The following PARVA variants were observed in gnomAD, a reference collection of about 807,000 sequenced individuals.
PARVA encodes the protein parvin alpha, also known as alpha-parvin.
Under a neutral mutation model 52.6 loss-of-function variants are expected in PARVA, and 25 were observed. That is an observed-to-expected ratio of 0.48 (90% CI 0.35 to 0.66). PARVA has a LOEUF of 0.66. Ranked by LOEUF, PARVA falls within the 30% of genes least tolerant of loss-of-function variation. The pLI, the probability that PARVA is intolerant of heterozygous loss-of-function variation, is 0.01. For synonymous variants in PARVA, 185 were observed against 179.1 expected (o/e 1.03, Z -0.26); for missense variants, 373 against 450.9 (o/e 0.83, Z 1.56).
chr11:12,521,192 T>G (rs1032228359), intron 12 of PARVA, among the ~76,000 whole-genome samples: 1 of 152,174 alleles, frequency 6.6e-6, no homozygotes, highest in African/African-American at 2.4e-5. Context: ...TGGGACCAGA[T>G]GGCAAGCAAT....
At chr11:12,382,492 A>G (rs1377680019) in intron 1 of PARVA, among the ~76,000 whole-genome samples, 4 of 151,862 alleles carry the variant, frequency 2.6e-5, no homozygotes, top group Non-Finnish European at 2.9e-5. Flanking sequence ...AAATTTGCAT[A>G]TAAGTGGACC....
At chr11:12,504,254 C>G in intron 5 of PARVA, 60 bp from the exon 6 acceptor site, 2 of 933,230 alleles carry the variant, frequency 2.1e-6, no homozygotes, top group Admixed American at 1.9e-5. Flanking sequence ...TGAACATCTG[C>G]TTATATTGCC....
chr11:12,494,700 T>A (rs749322082), intron 4 of PARVA, among the ~76,000 whole-genome samples: 64 of 151,988 alleles, frequency 4.2e-4, no homozygotes, highest in Admixed American at 1.0e-3. Flanking sequence ...GAAAAAGTTA[T>A]TGACCTAGAA....
At chr11:12,468,408 CTT>C (rs757007377) in intron 1 of PARVA, among the ~76,000 whole-genome samples, 18 of 152,172 alleles carry the variant, frequency 1.2e-4, no homozygotes, top group Non-Finnish European at 2.2e-4. Flanking sequence ...CCCTGGTATT[CTT>C]TGAGTCCCTA....
At chr11:12,496,859 G>A (rs1941305691) in intron 5 of PARVA, among the ~76,000 whole-genome samples, 1 of 152,198 alleles carries the variant, frequency 6.6e-6, no homozygotes, top group Non-Finnish European at 1.5e-5. Context: ...AAATGGGGAA[G>A]GGAAGGAAAC....
At chr11:12,508,563 C>T (rs1564866048) in intron 6 of PARVA, 21 bp from the exon 7 acceptor site, 2 of 1,594,796 alleles carry the variant, frequency 1.3e-6, no homozygotes, top group East Asian at 2.3e-5. Context: ...CTCCCAACCC[C>T]TTTCCCCACC....
chr11:12,496,367 CATGAGAGA>C, intron 4 of PARVA, 83 bp from the exon 5 acceptor site: 2 of 1,344,548 alleles, frequency 1.5e-6, no homozygotes, highest in South Asian at 2.8e-5. Context: ...TGCATGAGTG[CATGAGAGA>C]CCGAATAACT....
chr11:12,430,316 T>G (rs930532634), intron 1 of PARVA, among the ~76,000 whole-genome samples: 1 of 152,216 alleles, frequency 6.6e-6, no homozygotes, highest in Non-Finnish European at 1.5e-5. Context: ...ATTGCAACTT[T>G]GTATTTTAAA....
intron 9 of PARVA, 115 bp from the exon 10 acceptor site, chr11:12,513,882 G>C: frequency 1.1e-6 from 1 of 914,010 alleles, no homozygotes; most frequent in Non-Finnish European, 1.7e-6. Flanking sequence ...CTCTTGGCTG[G>C]GCCTGATCCT....
At chr11:12,470,207 C>T (rs1256168832) in intron 1 of PARVA, among the ~76,000 whole-genome samples, 2 of 152,194 alleles carry the variant, frequency 1.3e-5, no homozygotes, top group Non-Finnish European at 2.9e-5. Context: ...CAACTCATAA[C>T]CTGTGCAGTT....
intron 1 of PARVA, among the ~76,000 whole-genome samples, chr11:12,409,568 A>G (rs918143953): frequency 1.3e-5 from 2 of 152,182 alleles, no homozygotes; most frequent in African/African-American, 2.4e-5. Context: ...AAGTGTGACT[A>G]TGGAAGAATG....
chr11:12,508,747 G>A (rs986733472), intron 7 of PARVA, 105 bp downstream of exon 7: 11 of 909,288 alleles, frequency 1.2e-5, no homozygotes, highest in African/African-American at 8.3e-5. Flanking sequence ...GGGATTGCAG[G>A]AGGGATTAGA....
rs536095704 is a variant in PARVA, at chr11:12,436,187, A to G, written c.137-37558A>G. Among the ~76,000 whole-genome samples, 25 of 152,316 alleles carry G rather than the reference A, an allele frequency of 1.6e-4. No homozygotes were observed. In the East Asian group the frequency reaches 3.7e-3, roughly 22 times the overall value. On this transcript the variant is annotated intron_variant, in intron 1 of 12. Coordinates refer to ENST00000334956, the MANE Select transcript of PARVA (RefSeq NM_018222.5). ...TCTGAGGATTAGGGATAATGTGCATATTAGGAACATACTATTTGCTAGACT... is the reference window on the plus strand; with the variant it reads ...TCTGAGGATTAGGGATAATGTGCATGTTAGGAACATACTATTTGCTAGACT...
intron 1 of PARVA, among the ~76,000 whole-genome samples, chr11:12,397,142 A>G (rs1286619259): frequency 6.6e-6 from 1 of 152,232 alleles, no homozygotes; most frequent in Non-Finnish European, 1.5e-5. Flanking sequence ...CACTCAATGC[A>G]TAAAGGTGTT....
Position 12,534,640 on chromosome 11 carries a change from C to G in PARVA, c.*6715C>G, listed in dbSNP as rs765699198. 6.6e-6 allele frequency among the ~76,000 whole-genome samples: 1 copy of G among 152,218 alleles called. No individual in the cohort carries two copies. Among genetic ancestry groups the G allele is most frequent in the African/African-American group, 2.4e-5 (1 of 41,444 alleles). On this transcript the variant is annotated 3_prime_UTR_variant, in exon 13 of 13. Transcript: ENST00000334956. ...CCAAGACACACAAATGTCATTAAGG[C>G]AACCGCTTAAAGGAGTGTGATATTT...
intron 1 of PARVA, among the ~76,000 whole-genome samples, chr11:12,415,255 T>C (rs549412045): frequency 6.6e-6 from 1 of 152,306 alleles, no homozygotes; most frequent in African/African-American, 2.4e-5. Context: ...AAAGATGGCA[T>C]GAGAAACTTG....
At chr11:12,513,945 TCCTGCACTAG>T (rs1941536262) in intron 9 of PARVA, 42 bp from the exon 10 acceptor site, 39 of 271,292 alleles carry the variant, frequency 1.4e-4, no homozygotes, top group Non-Finnish European at 2.1e-4. Context: ...AGCCACAGGC[TCCTGCACTAG>T]TGCGAGTCCC....
At chr11:12,509,109 A>AT (rs1268342934) in intron 7 of PARVA, among the ~76,000 whole-genome samples, 1 of 148,504 alleles carries the variant, frequency 6.7e-6, no homozygotes, top group African/African-American at 2.5e-5. Context: ...ATTTTTAGAA[A>AT]TTGGGATATC....
intron 1 of PARVA, among the ~76,000 whole-genome samples, chr11:12,430,393 G>A (rs748614172): frequency 4.6e-5 from 7 of 152,172 alleles, no homozygotes; most frequent in Non-Finnish European, 8.8e-5. Flanking sequence ...TTGAGAGCTG[G>A]TAGGAGCCAG....
Sources: gnomAD v4.1 joint callset for allele counts (sites outside exome capture counted in the v4.1 genomes callset) on GRCh38, gnomAD v4.1.1 for gene constraint, MANE v1.5 for transcripts, NCBI Gene and HGNC (gene_info 2026-07-23, HGNC 2026-07-21) for gene names.